Variants in FPR2 observed in about 807,000 individuals in gnomAD.
The protein encoded by FPR2 is formyl peptide receptor 2.
In FPR2, 3 loss-of-function variants were observed where a neutral mutation model predicts 4.0. That is an observed-to-expected ratio of 0.74 (90% confidence interval 0.34 to 1.92). FPR2 has a LOEUF of 1.92. Ranked by LOEUF, FPR2 falls within the 30% of genes most tolerant of loss-of-function variation. The pLI, the probability that FPR2 is intolerant of heterozygous loss-of-function variation, is 0.07. For synonymous variants in FPR2, 179 were observed against 171.5 expected (o/e 1.04, Z -0.34); for missense variants, 372 against 435.7 (o/e 0.85, Z 1.30).
chr19:51,766,462 A>G (rs2083869002), intron 1 of FPR2, among the ~76,000 whole-genome samples: 1 of 152,230 alleles, frequency 6.6e-6, no homozygotes, highest in Non-Finnish European at 1.5e-5. Context: ...ACCCTGAGCT[A>G]CATTAAATAA....
intron 1 of FPR2, among the ~76,000 whole-genome samples, chr19:51,764,771 T>C (rs2083859823): frequency 1.3e-5 from 2 of 152,212 alleles, no homozygotes; most frequent in Admixed American, 1.3e-4. Context: ...TTTGCAATTT[T>C]TGCCTTGTTA....
In FPR2 at chr19:51,770,117, G is replaced by T. The variant is rs1401473381; in HGVS notation, c.*403G>T. ...TTTTCTTCTATTTTTAGTTTGCTAA[G>T]AGTTTTCTGTTTCTTTTTCTTACAT... On this transcript the variant is annotated 3_prime_UTR_variant, in exon 2 of 2. Transcript: ENST00000340023. 5.6e-6 allele frequency: 1 copy of T among 177,936 alleles called. No homozygotes were observed. The highest frequency in any genetic ancestry group is 2.4e-5 in the African/African-American group (1 of 41,606). 11.0% of individuals were successfully genotyped at this position (177,936 alleles called of 1,614,324 possible). A position where few individuals can be genotyped will look rare whatever the true frequency, so the allele number is the denominator to read the frequency against.
intron 1 of FPR2, among the ~76,000 whole-genome samples, chr19:51,764,379 G>A (rs1369721364): frequency 6.6e-6 from 1 of 152,208 alleles, no homozygotes; most frequent in Admixed American, 6.5e-5. Context: ...TCTGCTGAGA[G>A]TGGGAAAAAC....
In FPR2 at chr19:51,768,753, T is replaced by C. The variant is rs375488620; in HGVS notation, c.95T>C (p.Val32Ala). The C allele has an allele frequency of 3.1e-6, 5 of 1,614,022 alleles. No homozygotes were observed. In the African/African-American group the frequency reaches 6.7e-5, roughly 22 times the overall value. Residue 32 changes from valine (V) to alanine (A), a missense_variant, in exon 2 of 2, where the codon GTG becomes GCG. By Grantham distance (64) the Val-to-Ala change is moderately conservative (BLOSUM62 0). Transcript: ENST00000340023. Reference protein sequence around the residue: ...YTVLRILPLVVLGVTFVLGVL... With the variant: ...YTVLRILPLVALGVTFVLGVL... Reference sequence around the variant, plus strand: ...GTTCTGCGGATCCTCCCATTGGTGGTGCTTGGGGTCACCTTTGTCCTCGGG... The same window carrying C: ...GTTCTGCGGATCCTCCCATTGGTGGCGCTTGGGGTCACCTTTGTCCTCGGG...
At chr19:51,765,085 C>T (rs536192778) in intron 1 of FPR2, among the ~76,000 whole-genome samples, 1 of 152,316 alleles carries the variant, frequency 6.6e-6, no homozygotes, top group Non-Finnish European at 1.5e-5. Context: ...TCTTGGCCTC[C>T]CAAAGTGCTA....
rs376141356 is a variant in FPR2 at position 51,770,048 on chromosome 19, CT to C, written c.*335del. 14 of 212,790 alleles carry C rather than the reference CT, an allele frequency of 6.6e-5. No individual in the cohort carries two copies. In the East Asian group the frequency reaches 1.7e-3, roughly 26 times the overall value. The allele number at this position is 212,790 out of a possible 1,614,324, so 13.2% of individuals were successfully genotyped here. On this transcript the variant is annotated 3_prime_UTR_variant, in exon 2 of 2. Transcript: ENST00000340023. ...TTTAAAGTATAAAGTAAAATGTTTG[CT>C]GTAGGTTTTTTATAGCTATTAAAAA... is the stretch of plus-strand genomic sequence containing the variant.
chr19:51,768,532 A>T, intron 1 of FPR2, 113 bp from the exon 2 acceptor site: 1 of 806,270 alleles, frequency 1.2e-6, no homozygotes, highest in East Asian at 2.7e-5. Context: ...TGGTAGATAG[A>T]GTGGGTCTCC....
chr19:51,764,284 G>A (rs1461629692), intron 1 of FPR2, among the ~76,000 whole-genome samples: 1 of 152,156 alleles, frequency 6.6e-6, no homozygotes. Context: ...GACAGAGGCA[G>A]GTAGACTGAG....
chr19:51,769,409 T>C lies in FPR2; in HGVS notation c.751T>C (p.Phe251Leu), dbSNP rs1356632323. The change falls in exon 2 of 2, where the codon TTC (phenylalanine) becomes CTC (leucine). Residue 251 changes from phenylalanine to leucine, a missense_variant. Transcript: ENST00000340023. The surrounding 1 kb of genome is among the most constrained non-coding windows in gnomAD (Gnocchi z 4.4). ...RVLTAVVASFFICWFPFQLVA... is the reference protein window; with the variant it reads ...RVLTAVVASFLICWFPFQLVA... ...CCTCACTGCTGTGGTGGCTTCTTTC[T>C]TCATCTGTTGGTTTCCCTTTCAACT... is the stretch of plus-strand genomic sequence containing the variant. 1 of 1,614,122 alleles carries C rather than the reference T, an allele frequency of 6.2e-7. No individual in the cohort carries two copies. The highest frequency in any genetic ancestry group is 1.7e-5 in the Admixed American group (1 of 60,014).
rs773391709 is a variant in FPR2 at position 51,769,108 on chromosome 19, G to A, written c.450G>A (p.Trp150Ter). Reference protein sequence around the residue: ...SLAMKVIVGPWILALVLTLPV... With the variant: ...SLAMKVIVGP ...CCATGAAGGTGATCGTCGGACCTTG[G>A]ATTCTTGCTCTAGTCCTTACCTTGC... Residue 150 changes from tryptophan to a stop codon, truncating the protein, a stop_gained, in exon 2 of 2, where the codon TGG becomes TGA. Coordinates refer to ENST00000340023, the MANE Select transcript of FPR2 (RefSeq NM_001005738.2). LOFTEE classifies it low-confidence loss of function (END_TRUNC). The surrounding 1 kb of genome is among the most constrained non-coding windows in gnomAD (Gnocchi z 4.4). The A allele has an allele frequency of 3.1e-6, 5 of 1,614,096 alleles. No homozygotes were observed. The highest frequency in any genetic ancestry group is 2.2e-5 in the South Asian group (2 of 91,092).
intron 1 of FPR2, among the ~76,000 whole-genome samples, chr19:51,761,681 T>C (rs1202281429): frequency 6.6e-6 from 1 of 152,156 alleles, no homozygotes; most frequent in Non-Finnish European, 1.5e-5. Context: ...TAATCCCAGC[T>C]ACTCAGGAGG....
rs781701187 is a variant in FPR2 at position 51,769,514 on chromosome 19, C to A, written c.856C>A (p.Pro286Thr). 30 of 1,614,044 alleles carry A rather than the reference C, an allele frequency of 1.9e-5. No homozygotes were observed. Among genetic ancestry groups the A allele is most frequent in the Non-Finnish European group, 2.5e-5 (29 of 1,180,034 alleles). Residue 286 changes from proline (P) to threonine (T), a missense_variant, in exon 2 of 2, where the codon CCA becomes ACA. Coordinates refer to ENST00000340023, the MANE Select transcript of FPR2 (RefSeq NM_001005738.2). The surrounding 1 kb of genome is among the most constrained non-coding windows in gnomAD (Gnocchi z 4.4). ...CAAAATCATTGACATCCTGGTTAAC[C>A]CAACGAGCTCCCTGGCCTTCTTCAA... is the stretch of plus-strand genomic sequence containing the variant. ...KYKIIDILVN[P>T]TSSLAFFNSC...
chr19:51,767,435 A>G (rs1197049825), intron 1 of FPR2, among the ~76,000 whole-genome samples: 1 of 152,202 alleles, frequency 6.6e-6, no homozygotes, highest in Non-Finnish European at 1.5e-5. Flanking sequence ...GAAGGGTCAT[A>G]TTCTTACAAT....
intron 1 of FPR2, among the ~76,000 whole-genome samples, chr19:51,765,436 T>C (rs1162041653): frequency 6.6e-6 from 1 of 152,206 alleles, no homozygotes. Context: ...TTATTTTCAA[T>C]GGCAAAAACA....
chr19:51,766,205 G>C (rs909276089), intron 1 of FPR2, among the ~76,000 whole-genome samples: 2 of 152,232 alleles, frequency 1.3e-5, no homozygotes, highest in African/African-American at 4.8e-5. Flanking sequence ...ACAGGCGTGA[G>C]CCACCGTATC....
At chr19:51,766,504 G>A (rs1192159145) in intron 1 of FPR2, among the ~76,000 whole-genome samples, 1 of 152,152 alleles carries the variant, frequency 6.6e-6, no homozygotes, top group Non-Finnish European at 1.5e-5. Flanking sequence ...GAAACTCACT[G>A]GTAATAGCAG....
In FPR2 at chr19:51,769,209, G is replaced by A. The variant is rs1208579377; in HGVS notation, c.551G>A (p.Gly184Asp). ...TYCTFNFASWGGTPEERLKVA... is the reference protein window; with the variant it reads ...TYCTFNFASWDGTPEERLKVA... Reference sequence around the variant, plus strand: ...TGTACTTTCAACTTTGCATCCTGGGGTGGCACCCCTGAGGAGAGGCTGAAG... The same window carrying A: ...TGTACTTTCAACTTTGCATCCTGGGATGGCACCCCTGAGGAGAGGCTGAAG... Residue 184 changes from glycine to aspartate, a missense_variant, in exon 2 of 2, where the codon GGT becomes GAT. Physicochemically the swap from Gly to Asp is moderately conservative, Grantham distance 94. Transcript: ENST00000340023. The surrounding 1 kb of genome is among the most constrained non-coding windows in gnomAD (Gnocchi z 4.4). The A allele has an allele frequency of 3.1e-6, 5 of 1,614,150 alleles. No individual in the cohort carries two copies. Among genetic ancestry groups the A allele is most frequent in the Non-Finnish European group, 4.2e-6 (5 of 1,180,022 alleles).
At position 51,769,049 on chromosome 19, in the gene FPR2, G is replaced by T. The variant is rs2083884545; in HGVS notation, c.391G>T (p.Val131Phe). ...CCGCTGCATTTGTGTCCTGCATCCA[G>T]TCTGGGCCCAGAACCACCGCACTGT... Reference protein sequence around the residue: ...LDRCICVLHPVWAQNHRTVSL... With the variant: ...LDRCICVLHPFWAQNHRTVSL... The change falls in exon 2 of 2, where the codon GTC becomes TTC. Residue 131 changes from valine (V) to phenylalanine (F), a missense_variant. Transcript: ENST00000340023. The surrounding 1 kb of genome is among the most constrained non-coding windows in gnomAD (Gnocchi z 4.4). 1 of 1,614,184 alleles carries T rather than the reference G, an allele frequency of 6.2e-7. No individual in the cohort carries two copies. Among genetic ancestry groups the T allele is most frequent in the East Asian group, 2.2e-5 (1 of 44,884 alleles).
rs950177732 is a variant in FPR2 at position 51,768,928 on chromosome 19, A to G, written c.270A>G (p.Lys90=). 1.1e-5 allele frequency: 18 copies of G among 1,614,166 alleles called. No homozygotes were observed. The highest frequency in any genetic ancestry group is 1.4e-5 in the Non-Finnish European group (16 of 1,180,026). Residue 90 remains lysine, a synonymous_variant, in exon 2 of 2, where the codon AAA becomes AAG. Coordinates refer to ENST00000340023, the MANE Select transcript of FPR2 (RefSeq NM_001005738.2). The part of the protein sequence containing the change: ...FLIVSMAMGE[K]WPFGWFLCKL... ...TTGTCTCCATGGCCATGGGAGAAAA[A>G]TGGCCTTTTGGCTGGTTCCTGTGTA...
Sources: allele counts gnomAD v4.1 joint callset (sites outside exome capture counted in the v4.1 genomes callset), GRCh38; gene constraint gnomAD v4.1.1; non-coding constraint Gnocchi (gnomAD v3.1); transcripts MANE v1.5; gene names NCBI Gene and HGNC (gene_info 2026-07-23, HGNC 2026-07-21).